CACNA2D3: variants seen among roughly 807,000 people sequenced by gnomAD.
CACNA2D3 encodes the protein voltage-dependent calcium channel subunit alpha-2/delta-3.
In CACNA2D3, 60 loss-of-function variants were observed where a neutral mutation model predicts 160.6. That is an observed-to-expected ratio of 0.37 (90% CI 0.30 to 0.46). CACNA2D3 has a LOEUF of 0.46. Ranked by LOEUF, CACNA2D3 falls within the 20% of genes least tolerant of loss-of-function variation. CACNA2D3 has a pLI of 1.00. For missense variants in CACNA2D3, 1,205 were observed against 1,365.0 expected (o/e 0.88, Z 1.85); for synonymous variants, 558 against 492.9 (o/e 1.13, Z -1.75).
intron 14 of CACNA2D3, among the ~76,000 whole-genome samples, chr3:54,821,697 T>TTTCTTTCCTTCC (rs753240626): frequency 0.074 from 6,152 of 82,678 alleles, 354 homozygotes; most frequent in Non-Finnish European, 0.099. Flanking sequence ...TCTTTCTTTC[T>TTTCTTTCCTTCC]TTCCTTCCTT....
At chr3:54,462,765 G>T (rs1700531619) in intron 4 of CACNA2D3, among the ~76,000 whole-genome samples, 1 of 152,058 alleles carries the variant, frequency 6.6e-6, no homozygotes, top group Non-Finnish European at 1.5e-5. Flanking sequence ...GGAGCATTTA[G>T]TCCATTTGCA....
chr3:54,206,989 C>G (rs1309904883), intron 2 of CACNA2D3, among the ~76,000 whole-genome samples: 1 of 152,216 alleles, frequency 6.6e-6, no homozygotes, highest in African/African-American at 2.4e-5. Flanking sequence ...TAGCCCCTGA[C>G]AGGGCATACT....
At chr3:54,801,843 G>C (rs1345463874) in intron 13 of CACNA2D3, among the ~76,000 whole-genome samples, 2 of 151,984 alleles carry the variant, frequency 1.3e-5, no homozygotes. Context: ...CCAAACTAGA[G>C]ATTGAGAAAT....
intron 4 of CACNA2D3, among the ~76,000 whole-genome samples, chr3:54,475,611 G>A (rs753764734): frequency 8.5e-5 from 13 of 152,068 alleles, no homozygotes; most frequent in African/African-American, 2.4e-4. Flanking sequence ...ATTAGTCTCT[G>A]CCTATAATGC....
chr3:54,249,986 A>G (rs1012631242), intron 2 of CACNA2D3, among the ~76,000 whole-genome samples: 1 of 152,108 alleles, frequency 6.6e-6, no homozygotes, highest in Admixed American at 6.5e-5. Flanking sequence ...GGGCAAATTC[A>G]TTTGGTAGGG....
At chr3:54,915,378 C>T (rs1285642351) in intron 27 of CACNA2D3, among the ~76,000 whole-genome samples, 1 of 152,178 alleles carries the variant, frequency 6.6e-6, no homozygotes, top group Non-Finnish European at 1.5e-5. Flanking sequence ...TACTGTTCTA[C>T]TAAATATGAC....
intron 32 of CACNA2D3, among the ~76,000 whole-genome samples, chr3:55,005,414 GA>G (rs1703073927): frequency 6.6e-6 from 1 of 152,152 alleles, no homozygotes. Flanking sequence ...GTGACAGATG[GA>G]AAAAGGGAGA....
chr3:54,838,280 G>A (rs1279953476), intron 15 of CACNA2D3, among the ~76,000 whole-genome samples: 2 of 152,152 alleles, frequency 1.3e-5, no homozygotes, highest in East Asian at 1.9e-4. Context: ...TCAAATCAGT[G>A]TTTAATTTTC....
At chr3:54,527,215 A>C (rs936571396) in intron 5 of CACNA2D3, among the ~76,000 whole-genome samples, 1 of 152,240 alleles carries the variant, frequency 6.6e-6, no homozygotes, top group Non-Finnish European at 1.5e-5. Flanking sequence ...TGAATCTATC[A>C]GTCCCTTCCC....
At chr3:55,026,372 C>A (rs1279697797) in intron 35 of CACNA2D3, among the ~76,000 whole-genome samples, 1 of 152,198 alleles carries the variant, frequency 6.6e-6, no homozygotes, top group Non-Finnish European at 1.5e-5. Flanking sequence ...CTGCTTGCAT[C>A]CCAGACACTG....
intron 17 of CACNA2D3, among the ~76,000 whole-genome samples, chr3:54,858,250 A>G (rs1438377949): frequency 6.6e-6 from 1 of 152,156 alleles, no homozygotes; most frequent in Non-Finnish European, 1.5e-5. Flanking sequence ...GCCTCAGCTC[A>G]GGAATGCAGA....
chr3:54,454,881 A>G (rs1700370585), intron 4 of CACNA2D3, among the ~76,000 whole-genome samples: 1 of 152,028 alleles, frequency 6.6e-6, no homozygotes, highest in African/African-American at 2.4e-5. Flanking sequence ...TTCATTTAAC[A>G]TAATGTCCTT....
intron 2 of CACNA2D3, among the ~76,000 whole-genome samples, chr3:54,159,853 A>C (rs1700311351): frequency 2.0e-5 from 3 of 152,248 alleles, no homozygotes; most frequent in Non-Finnish European, 4.4e-5. Flanking sequence ...AAAATCATGA[A>C]TAGGAAAGAA....
At chr3:54,258,649 TGC>T (rs1702345538) in intron 2 of CACNA2D3, among the ~76,000 whole-genome samples, 1 of 152,192 alleles carries the variant, frequency 6.6e-6, no homozygotes, top group African/African-American at 2.4e-5. Flanking sequence ...AGAGATTTGA[TGC>T]TATCAGCATT....
At chr3:54,554,807 A>C (rs987601023) in intron 5 of CACNA2D3, among the ~76,000 whole-genome samples, 1 of 151,324 alleles carries the variant, frequency 6.6e-6, no homozygotes, top group African/African-American at 2.4e-5. Context: ...TGTGGAGAAC[A>C]TGGTGAAAGT....
intron 35 of CACNA2D3, among the ~76,000 whole-genome samples, chr3:55,066,848 T>A (rs1704651802): frequency 6.6e-6 from 1 of 152,126 alleles, no homozygotes; most frequent in Admixed American, 6.6e-5. Context: ...CTCCTCGCCT[T>A]TTTTGGCCCC....
At chr3:54,927,829 C>T (rs1188755278) in intron 27 of CACNA2D3, 15 of 1,477,030 alleles carry the variant, frequency 1.0e-5, no homozygotes, top group East Asian at 4.5e-5. Flanking sequence ...ATAGATTTCC[C>T]GCAGATACCT....
chr3:54,901,517 T>A (rs937171537), intron 27 of CACNA2D3, among the ~76,000 whole-genome samples: 9 of 152,150 alleles, frequency 5.9e-5, no homozygotes, highest in Non-Finnish European at 8.8e-5. Context: ...TATGCCAGTC[T>A]ATTGTCGAGT....
chr3:54,678,895 C>T (rs921179167), intron 11 of CACNA2D3, among the ~76,000 whole-genome samples: 3 of 152,000 alleles, frequency 2.0e-5, no homozygotes, highest in African/African-American at 7.3e-5. Context: ...GGTAGCTCAA[C>T]GAACAGTCTG....
Sources: allele counts gnomAD v4.1 joint callset (sites outside exome capture counted in the v4.1 genomes callset), GRCh38; gene constraint gnomAD v4.1.1; transcripts MANE v1.5; gene names NCBI Gene and HGNC (gene_info 2026-07-23, HGNC 2026-07-21).